ERCC3: variants seen among roughly 807,000 people sequenced by gnomAD.
ERCC3 encodes the protein general transcription and DNA repair factor IIH helicase/translocase subunit XPB.
In ERCC3, 66 loss-of-function variants were observed where a neutral mutation model predicts 94.2. The observed-to-expected ratio is 0.70, with a 90% CI of 0.57 to 0.86. ERCC3 has a LOEUF of 0.86. ERCC3 is among the 40% of genes least tolerant of loss of function. The probability of loss-of-function intolerance (pLI) is 0.00; values close to 1 mark genes in which losing one functional copy is unlikely to be tolerated. For synonymous variants in ERCC3, 349 were observed against 369.1 expected, an observed-to-expected ratio of 0.95 and a Z score of 0.63; for missense variants, 829 against 987.1, an observed-to-expected ratio of 0.84 and a Z score of 2.15.
intron 1 of ERCC3, 162 bp from the exon 2 acceptor site, chr2:127,293,880 C>G (rs1380602284): frequency 2.0e-6 from 3 of 1,531,100 alleles, no homozygotes; most frequent in Admixed American, 2.0e-5. Context: ...GCCGAGTTCG[C>G]TGGGCTGCGC....
intron 12 of ERCC3, among the ~76,000 whole-genome samples, chr2:127,266,040 T>A (rs1263130696): frequency 6.6e-6 from 1 of 152,064 alleles, no homozygotes; most frequent in Non-Finnish European, 1.5e-5. Context: ...TATCCAAAAG[T>A]CATTCAGGAG....
chr2:127,288,935 G>T, intron 6 of ERCC3, 71 bp from the exon 7 acceptor site: 1 of 1,206,388 alleles, frequency 8.3e-7, no homozygotes, highest in Non-Finnish European at 1.2e-6. Flanking sequence ...CTTCTAAGAG[G>T]TCCAATGGTC....
chr2:127,275,876 G>A (rs922839137), intron 10 of ERCC3, among the ~76,000 whole-genome samples: 4 of 152,168 alleles, frequency 2.6e-5, no homozygotes, highest in African/African-American at 4.8e-5. Context: ...GCTGGAGCCG[G>A]CAGGAGGGAA....
rs960627621 is a variant in ERCC3, at chr2:127,266,709, ATTTT to A, written c.1945+4623_1945+4626del. ...TTTATGGCCAAACACATGATCAATT[ATTTT>A]TTTTTTTTTTTTTTTTTTTTGTGAC... On this transcript the variant is annotated intron_variant, in intron 12 of 14. Coordinates refer to ENST00000285398, the MANE Select transcript of ERCC3 (RefSeq NM_000122.2). Among the ~76,000 whole-genome samples, 10 of 87,320 alleles carry A rather than the reference ATTTT, an allele frequency of 1.1e-4. No individual in the cohort carries two copies. The East Asian group carries it at 2.8e-3, about 24-fold the overall frequency. 57.3% of individuals were successfully genotyped at this position (87,320 alleles called of 152,430 possible). A position where few individuals can be genotyped will look rare whatever the true frequency, so the allele number is the denominator to read the frequency against.
rs574042417 is a variant in ERCC3 at position 127,277,242 on chromosome 2, G to T, written c.1730+1931C>A. ...GGAGTGCTGGTGGGGATCCCACTGG[G>T]GAAACAGAAAAACAGAACTGAGAAA... is the stretch of plus-strand genomic sequence containing the variant. On this transcript the variant is annotated intron_variant, in intron 10 of 14. Transcript: ENST00000285398. This position sits in a 1 kb window ranked among gnomAD's most constrained non-coding sequence, Gnocchi z 5.1. Among the ~76,000 whole-genome samples, 1 of 151,800 alleles carries T rather than the reference G, an allele frequency of 6.6e-6. No individual in the cohort carries two copies.
At chr2:127,292,350 G>T in intron 3 of ERCC3, 1 of 559,188 alleles carries the variant, frequency 1.8e-6, no homozygotes, top group Non-Finnish European at 3.3e-6. Flanking sequence ...CCCACAGCTG[G>T]GAGCGGCTCA....
In ERCC3 at chr2:127,261,349, G is replaced by A. The variant is rs986610684; in HGVS notation, c.1946-3C>T. 6.4e-7 allele frequency: 1 copy of A among 1,561,360 alleles called. No individual in the cohort carries two copies. The highest frequency in any genetic ancestry group is 1.1e-5 in the South Asian group (1 of 90,022). ...ATTGTACTCTTCTGCAACCATCCCT[G>A]CAGGAAAAAATGAGAAACGGCAATA... is the stretch of plus-strand genomic sequence containing the variant. On this transcript the variant is annotated splice_polypyrimidine_tract_variant and splice_region_variant and intron_variant, in intron 12 of 14. Coordinates refer to ENST00000285398, the MANE Select transcript of ERCC3 (RefSeq NM_000122.2).
rs1684862069 is a variant in ERCC3, at chr2:127,280,093, C to G, written c.1527+354G>C. ...AGTTAGGCGCTTGGGGCTATCAGAG[C>G]AAAGCCCTTTGCTGCCAGGCTCCCA... On this transcript the variant is annotated intron_variant, in intron 9 of 14. Coordinates refer to ENST00000285398, the MANE Select transcript of ERCC3 (RefSeq NM_000122.2). The surrounding 1 kb of genome is among the most constrained non-coding windows in gnomAD (Gnocchi z 6.3). Among the ~76,000 whole-genome samples the G allele has an allele frequency of 6.6e-6, 1 of 152,190 alleles. No individual in the cohort carries two copies. Among genetic ancestry groups the G allele is most frequent in the Non-Finnish European group, 1.5e-5 (1 of 68,038 alleles).
At position 127,258,443 on chromosome 2, in the gene ERCC3, C is replaced by G. The variant is rs1684087787; in HGVS notation, c.2218-716G>C. ...GATAACCACATCAGTGCTGACATTG[C>G]TATCCTGTGAGGAGAATGAACCAGG... On this transcript the variant is annotated intron_variant, in intron 14 of 14. Coordinates refer to ENST00000285398, the MANE Select transcript of ERCC3 (RefSeq NM_000122.2). The surrounding 1 kb of genome is among the most constrained non-coding windows in gnomAD (Gnocchi z 4.1). Among the ~76,000 whole-genome samples the G allele has an allele frequency of 6.6e-6, 1 of 152,162 alleles. No individual in the cohort carries two copies. The highest frequency in any genetic ancestry group is 1.5e-5 in the Non-Finnish European group (1 of 68,024).
chr2:127,281,018 T>C, intron 8 of ERCC3: 1 of 435,762 alleles, frequency 2.3e-6, no homozygotes, highest in Non-Finnish European at 4.0e-6. Flanking sequence ...TGAAATGAGC[T>C]TAAGGAATCT....
At position 127,293,604 on chromosome 2, in the gene ERCC3, T is replaced by C. The variant is rs769971648; in HGVS notation, c.143A>G (p.Glu48Gly). Residue 48 changes from glutamate (E) to glycine (G), a missense_variant, in exon 2 of 15, where the codon GAG becomes GGG. Coordinates refer to ENST00000285398, the MANE Select transcript of ERCC3 (RefSeq NM_000122.2). ...ATATTCATCCACTTTGGTGCCTGAC[T>C]CATCCACCTGCTTCCCCGCCGCCGA... is the stretch of plus-strand genomic sequence containing the variant. ...VPSAAGKQVD[E>G]SGTKVDEYGA... 12 of 1,614,202 alleles carry C rather than the reference T, an allele frequency of 7.4e-6. No homozygotes were observed. The Admixed American group carries it at 1.3e-4, about 18-fold the overall frequency.
rs368668369 is a variant in ERCC3, at chr2:127,274,144, T to C, written c.1731-1183A>G. On this transcript the variant is annotated intron_variant, in intron 10 of 14. Transcript: ENST00000285398. This position sits in a 1 kb window ranked among gnomAD's most constrained non-coding sequence, Gnocchi z 4.0. ...GCCTGGCCAACATGGTGAGACCCCA[T>C]CTCTACTAAAAATAAAAAAAATTAG... is the stretch of plus-strand genomic sequence containing the variant. Among the ~76,000 whole-genome samples, 1 of 151,398 alleles carries C rather than the reference T, an allele frequency of 6.6e-6. No individual in the cohort carries two copies. The highest frequency in any genetic ancestry group is 1.5e-5 in the Non-Finnish European group (1 of 67,852).
chr2:127,281,133 T>C (rs925021194), intron 8 of ERCC3, among the ~76,000 whole-genome samples: 1 of 152,212 alleles, frequency 6.6e-6, no homozygotes, highest in Non-Finnish European at 1.5e-5. Context: ...ACCATTAAGC[T>C]CTAAATTACG....
At position 127,264,308 on chromosome 2, in the gene ERCC3, A is replaced by G. The variant is rs536330958; in HGVS notation, c.1946-2962T>C. ...GCGAAACCCTGTCTCTACTAAAAAT[A>G]CAAAAAAATTAGCTGGGCATGGTGG... On this transcript the variant is annotated intron_variant, in intron 12 of 14. Coordinates refer to ENST00000285398, the MANE Select transcript of ERCC3 (RefSeq NM_000122.2). The surrounding 1 kb of genome is among the most constrained non-coding windows in gnomAD (Gnocchi z 4.4). Among the ~76,000 whole-genome samples, 1 of 152,274 alleles carries G rather than the reference A, an allele frequency of 6.6e-6. No homozygotes were observed. The highest frequency in any genetic ancestry group is 2.1e-4 in the South Asian group (1 of 4,822).
rs890806884 is a variant in ERCC3, at chr2:127,257,785, A to T, written c.2218-58T>A. 1.5e-5 allele frequency: 23 copies of T among 1,582,452 alleles called. No homozygotes were observed. The highest frequency in any genetic ancestry group is 2.0e-5 in the Non-Finnish European group (23 of 1,152,506). The stretch of plus-strand genomic sequence containing the variant: ...CTCCAGAAGAAAAGATACTCCTTTT[A>T]TAATACTTATAATCACAGCAAATTT... On this transcript the variant is annotated intron_variant, in intron 14 of 14. Coordinates refer to ENST00000285398, the MANE Select transcript of ERCC3 (RefSeq NM_000122.2). The surrounding 1 kb of genome is among the most constrained non-coding windows in gnomAD (Gnocchi z 5.4).
In ERCC3 at chr2:127,293,858, C is replaced by T. The variant is rs747387269; in HGVS notation, c.29-140G>A. ...TCCCGCAGGCGTTGCGCCCCTCACC[C>T]GTCTCCCCTAGGCCGAGTTCGCTGG... On this transcript the variant is annotated intron_variant, in intron 1 of 14. Coordinates refer to ENST00000285398, the MANE Select transcript of ERCC3 (RefSeq NM_000122.2). The T allele has an allele frequency of 1.0e-5, 16 of 1,558,338 alleles. No individual in the cohort carries two copies. In the East Asian group the frequency reaches 3.0e-4, roughly 29 times the overall value.
chr2:127,266,255 G>A (rs1043630206), intron 12 of ERCC3, among the ~76,000 whole-genome samples: 5 of 149,620 alleles, frequency 3.3e-5, no homozygotes, highest in Non-Finnish European at 7.4e-5. Flanking sequence ...GTTCTTCCTG[G>A]TACTGATTTC....
At chr2:127,289,290 TA>T in intron 6 of ERCC3, 46 bp downstream of exon 6, 1 of 1,575,726 alleles carries the variant, frequency 6.3e-7, no homozygotes, top group Non-Finnish European at 8.7e-7. Context: ...GACTAGCTTC[TA>T]ACAGCAGCTC....
intron 10 of ERCC3, among the ~76,000 whole-genome samples, chr2:127,276,037 C>G (rs1239235244): frequency 6.6e-6 from 1 of 152,152 alleles, no homozygotes; most frequent in African/African-American, 2.4e-5. Context: ...CGGCAGCAGG[C>G]AGGCCACCTC....
Sources: gnomAD v4.1 joint callset for allele counts (sites outside exome capture counted in the v4.1 genomes callset) on GRCh38, gnomAD v4.1.1 for gene constraint, Gnocchi (gnomAD v3.1) non-coding constraint, MANE v1.5 for transcripts, NCBI Gene and HGNC (gene_info 2026-07-23, HGNC 2026-07-21) for gene names.